SLC27A6: variants seen among roughly 807,000 people sequenced by gnomAD.
The protein encoded by SLC27A6 is long-chain fatty acid transport protein 6.
In SLC27A6, 74 loss-of-function variants were observed where a neutral mutation model predicts 63.9. That is an observed-to-expected ratio of 1.16 (90% confidence interval 0.96 to 1.40). The LOEUF is 1.40. Ranked by LOEUF, SLC27A6 falls within the 40% of genes most tolerant of loss-of-function variation. The pLI is 0.00. For missense variants in SLC27A6, 794 were observed against 732.9 expected (o/e 1.08, Z -0.96); for synonymous variants, 287 against 260.8 (o/e 1.10, Z -0.97).
At chr5:129,004,902 G>C (rs1025703215) in intron 4 of SLC27A6, among the ~76,000 whole-genome samples, 16 of 152,052 alleles carry the variant, frequency 1.1e-4, no homozygotes, top group African/African-American at 3.6e-4. Context: ...TTCTTCAATG[G>C]TTGTCATTCT....
intron 2 of SLC27A6, 46 bp from the exon 3 acceptor site, chr5:128,988,554 T>C (rs1561616800): frequency 6.7e-6 from 10 of 1,482,062 alleles, no homozygotes; most frequent in Non-Finnish European, 9.4e-6. Context: ...TATGTATATG[T>C]ATGTATGTGT....
At chr5:129,015,078 A>G (rs545106238) in intron 4 of SLC27A6, among the ~76,000 whole-genome samples, 2 of 152,328 alleles carry the variant, frequency 1.3e-5, no homozygotes, top group East Asian at 1.9e-4. Flanking sequence ...TTATTATTAC[A>G]TCTTGTTATT....
At chr5:129,000,132 G>A (rs1453688559) in intron 4 of SLC27A6, among the ~76,000 whole-genome samples, 1 of 152,154 alleles carries the variant, frequency 6.6e-6, no homozygotes, top group Non-Finnish European at 1.5e-5. Flanking sequence ...TAGTGGTGCG[G>A]TGTGAAAGCT....
intron 4 of SLC27A6, among the ~76,000 whole-genome samples, chr5:129,000,301 C>G (rs1205276147): frequency 6.6e-6 from 1 of 152,152 alleles, no homozygotes; most frequent in East Asian, 1.9e-4. Context: ...TCTTAATCTT[C>G]TTCCCTCCAC....
chr5:129,000,551 C>T (rs1449024843), intron 4 of SLC27A6, among the ~76,000 whole-genome samples: 2 of 152,128 alleles, frequency 1.3e-5, no homozygotes, highest in Non-Finnish European at 2.9e-5. Context: ...CAAAGTCCAA[C>T]AAGGGAATTT....
At chr5:129,022,128 A>G (rs553769666) in intron 5 of SLC27A6, among the ~76,000 whole-genome samples, 2 of 152,358 alleles carry the variant, frequency 1.3e-5, no homozygotes, top group African/African-American at 4.8e-5. Flanking sequence ...TGTTATCCCA[A>G]TTACAGACAA....
chr5:128,977,538 GAAAGGAGGAAA>G, intron 1 of SLC27A6, among the ~76,000 whole-genome samples: 1 of 152,142 alleles, frequency 6.6e-6, no homozygotes. Flanking sequence ...AGCAGGAGGA[GAAAGGAGGAAA>G]AAGACAAAGG....
chr5:129,026,520 T>C (rs1364763315), intron 6 of SLC27A6, among the ~76,000 whole-genome samples: 1 of 152,160 alleles, frequency 6.6e-6, no homozygotes, highest in East Asian at 1.9e-4. Flanking sequence ...TAATAACATG[T>C]GTGTTGGATC....
chr5:128,972,089 C>T (rs1580699259), intron 1 of SLC27A6, among the ~76,000 whole-genome samples: 1 of 152,078 alleles, frequency 6.6e-6, no homozygotes, highest in Non-Finnish European at 1.5e-5. Context: ...TGAATATTGG[C>T]CCCCATTCTC....
chr5:129,012,970 A>G (rs1751773995), intron 4 of SLC27A6, among the ~76,000 whole-genome samples: 1 of 151,580 alleles, frequency 6.6e-6, no homozygotes, highest in African/African-American at 2.4e-5. Context: ...TATAGCTTCT[A>G]TCTTGCTATT....
intron 1 of SLC27A6, among the ~76,000 whole-genome samples, chr5:128,973,393 G>C (rs1750260224): frequency 6.6e-6 from 1 of 152,174 alleles, no homozygotes; most frequent in Non-Finnish European, 1.5e-5. Flanking sequence ...GTCTACAGAG[G>C]CACACAGCCC....
At chr5:128,987,537 G>A (rs1169898107) in intron 2 of SLC27A6, among the ~76,000 whole-genome samples, 1 of 152,066 alleles carries the variant, frequency 6.6e-6, no homozygotes, top group African/African-American at 2.4e-5. Context: ...TGACAAGATA[G>A]AGAGGAGAAA....
Position 129,026,451 on chromosome 5 carries a change from A to G in SLC27A6, c.1256-682A>G, listed in dbSNP as rs989173879. On this transcript the variant is annotated intron_variant, in intron 6 of 9. Coordinates refer to ENST00000262462, the MANE Select transcript of SLC27A6 (RefSeq NM_001017372.3). Reference sequence around the variant, plus strand: ...GAATAGGAAACCTTTTCAATGTCTCATCTCTTTCCCATCAAAAATTTCCAG... The same window carrying G: ...GAATAGGAAACCTTTTCAATGTCTCGTCTCTTTCCCATCAAAAATTTCCAG... Among the ~76,000 whole-genome samples, 5 of 152,164 alleles carry G rather than the reference A, an allele frequency of 3.3e-5. No homozygotes were observed. In the East Asian group the frequency reaches 7.7e-4, roughly 24 times the overall value.
intron 4 of SLC27A6, among the ~76,000 whole-genome samples, chr5:128,997,015 C>A (rs1316316543): frequency 2.6e-5 from 4 of 152,106 alleles, no homozygotes; most frequent in African/African-American, 7.2e-5. Context: ...TCTCTCATCA[C>A]ATTTTCATGT....
chr5:128,989,160 G>A (rs1343432579), intron 3 of SLC27A6, among the ~76,000 whole-genome samples: 1 of 152,190 alleles, frequency 6.6e-6, no homozygotes, highest in African/African-American at 2.4e-5. Flanking sequence ...ATTGATCAAA[G>A]TAAGTCATGG....
At chr5:128,966,683 T>C in intron 1 of SLC27A6, 65 bp downstream of exon 1, 1 of 1,382,490 alleles carries the variant, frequency 7.2e-7, no homozygotes, top group Non-Finnish European at 9.3e-7. Context: ...ACCCTTTTTT[T>C]TTTCTTTAGG....
chr5:129,031,970 A>G (rs1752430794), intron 9 of SLC27A6, among the ~76,000 whole-genome samples: 1 of 152,026 alleles, frequency 6.6e-6, no homozygotes, highest in Middle Eastern at 3.4e-3. Flanking sequence ...AATAGTCCAA[A>G]AGGATAAATA....
chr5:129,013,532 G>A (rs965406649), intron 4 of SLC27A6, among the ~76,000 whole-genome samples: 1 of 151,708 alleles, frequency 6.6e-6, no homozygotes, highest in African/African-American at 2.4e-5. Context: ...TTGCCCCTTT[G>A]GAAATGATGT....
chr5:128,994,028 C>T (rs932294508), intron 4 of SLC27A6, among the ~76,000 whole-genome samples: 2 of 151,992 alleles, frequency 1.3e-5, no homozygotes, highest in African/African-American at 2.4e-5. Flanking sequence ...ATTAGCCGGG[C>T]GTGGTGGCGA....
Sources: gnomAD v4.1 joint callset for allele counts (sites outside exome capture counted in the v4.1 genomes callset) on GRCh38, gnomAD v4.1.1 for gene constraint, MANE v1.5 for transcripts, NCBI Gene and HGNC (gene_info 2026-07-23, HGNC 2026-07-21) for gene names.